Variants in LPP observed in about 807,000 individuals in gnomAD.
The protein encoded by LPP is LIM domain containing preferred translocation partner in lipoma, also known as lipoma-preferred partner.
In LPP, 38 loss-of-function variants were observed where a neutral mutation model predicts 60.4. That is an observed-to-expected ratio of 0.63 (90% CI 0.49 to 0.83). The LOEUF is 0.83. LPP is among the 40% of genes least tolerant of loss of function. The probability of loss-of-function intolerance (pLI) is 0.00; values close to 1 mark genes in which losing one functional copy is unlikely to be tolerated. For synonymous variants in LPP, 328 were observed against 290.8 expected, an observed-to-expected ratio of 1.13 and a Z score of -1.30; for missense variants, 902 against 783.6, an observed-to-expected ratio of 1.15 and a Z score of -1.80.
At chr3:188,642,861 G>A (rs1251578900) in intron 7 of LPP, among the ~76,000 whole-genome samples, 1 of 152,062 alleles carries the variant, frequency 6.6e-6, no homozygotes, top group South Asian at 2.1e-4. Flanking sequence ...GCTTGAACCC[G>A]GGATGCAGAG....
At chr3:188,731,097 A>G (rs1720293042) in intron 8 of LPP, among the ~76,000 whole-genome samples, 1 of 152,290 alleles carries the variant, frequency 6.6e-6, no homozygotes, top group East Asian at 1.9e-4. Flanking sequence ...CATAGGTTTC[A>G]AGCATTTGGA....
intron 8 of LPP, among the ~76,000 whole-genome samples, chr3:188,735,045 T>C (rs1722011671): frequency 6.6e-6 from 1 of 152,210 alleles, no homozygotes; most frequent in Admixed American, 6.5e-5. Flanking sequence ...GCAGAATTCC[T>C]TTTTAACACA....
intron 2 of LPP, among the ~76,000 whole-genome samples, chr3:188,293,425 T>C (rs570639244): frequency 1.1e-4 from 16 of 152,366 alleles, no homozygotes; most frequent in Non-Finnish European, 2.9e-5. Context: ...TGATGAGTTT[T>C]ACATGTAGAA....
At chr3:188,797,143 C>T (rs1179751186) in intron 9 of LPP, among the ~76,000 whole-genome samples, 1 of 152,142 alleles carries the variant, frequency 6.6e-6, no homozygotes, top group African/African-American at 2.4e-5. Flanking sequence ...TCCTCCTCTT[C>T]CTCTTCCTCC....
chr3:188,667,089 T>G (rs1855945441), intron 7 of LPP, among the ~76,000 whole-genome samples: 1 of 152,196 alleles, frequency 6.6e-6, no homozygotes, highest in African/African-American at 2.4e-5. Flanking sequence ...TCATTTAAAA[T>G]CCATGGAATC....
At chr3:188,532,246 AAAACAAAC>A (rs112631541) in intron 6 of LPP, among the ~76,000 whole-genome samples, 5 of 151,916 alleles carry the variant, frequency 3.3e-5, no homozygotes, top group South Asian at 4.2e-4. Flanking sequence ...AGCTCTACTA[AAAACAAAC>A]AAACAAACAA....
intron 7 of LPP, among the ~76,000 whole-genome samples, chr3:188,639,122 A>G (rs1199482805): frequency 6.6e-6 from 1 of 152,182 alleles, no homozygotes; most frequent in Non-Finnish European, 1.5e-5. Context: ...ACTATACTAC[A>G]AGGCTACGGT....
At chr3:188,499,337 T>C (rs1243632512) in intron 5 of LPP, among the ~76,000 whole-genome samples, 1 of 152,192 alleles carries the variant, frequency 6.6e-6, no homozygotes, top group Non-Finnish European at 1.5e-5. Context: ...CCTTACTCTT[T>C]TGTGTGTGGA....
intron 5 of LPP, among the ~76,000 whole-genome samples, chr3:188,510,968 A>G (rs1815307803): frequency 6.6e-6 from 1 of 151,996 alleles, no homozygotes; most frequent in Non-Finnish European, 1.5e-5. Context: ...ACATTTGTGG[A>G]TAAACTAGTT....
chr3:188,205,384 C>T (rs893820308), intron 1 of LPP, among the ~76,000 whole-genome samples: 5 of 148,550 alleles, frequency 3.4e-5, no homozygotes, highest in East Asian at 4.0e-4. Context: ...CAGGTTCAAG[C>T]GATTCTCCTG....
At chr3:188,717,493 T>G (rs138444176) in intron 8 of LPP, among the ~76,000 whole-genome samples, 14 of 152,266 alleles carry the variant, frequency 9.2e-5, no homozygotes, top group Middle Eastern at 3.4e-3. Flanking sequence ...ATGACCTAAT[T>G]AATGAAAAAC....
intron 8 of LPP, among the ~76,000 whole-genome samples, chr3:188,756,763 C>A (rs926964190): frequency 2.0e-5 from 3 of 152,162 alleles, no homozygotes; most frequent in Non-Finnish European, 2.9e-5. Flanking sequence ...GCTAGTGTCC[C>A]CACTGTATCC....
chr3:188,286,729 G>A (rs1744048265), intron 2 of LPP, among the ~76,000 whole-genome samples: 1 of 152,026 alleles, frequency 6.6e-6, no homozygotes, highest in Non-Finnish European at 1.5e-5. Context: ...TTCTGTTTTT[G>A]CTTGCTGTCC....
chr3:188,527,149 G>A (rs1820815043), intron 6 of LPP, among the ~76,000 whole-genome samples: 1 of 151,708 alleles, frequency 6.6e-6, no homozygotes, highest in East Asian at 1.9e-4. Context: ...TATAGGTCTG[G>A]GACCAGCCTG....
chr3:188,217,694 C>T lies in LPP; in HGVS notation c.-189-7711C>T, dbSNP rs1461043021. 6.6e-6 allele frequency among the ~76,000 whole-genome samples: 1 copy of T among 152,040 alleles called. No individual in the cohort carries two copies. The highest frequency in any genetic ancestry group is 1.5e-5 in the Non-Finnish European group (1 of 67,996). ...TCAGAGAAATGCTGAGCTAAATGGG[C>T]AGGAATCTGGGATACTCAGAGGGAA... is the stretch of plus-strand genomic sequence containing the variant. On this transcript the variant is annotated intron_variant, in intron 1 of 11. Transcript: ENST00000617246. This position sits in a 1 kb window ranked among gnomAD's most constrained non-coding sequence, Gnocchi z 4.0.
At chr3:188,530,386 G>A (rs1821845011) in intron 6 of LPP, among the ~76,000 whole-genome samples, 1 of 152,218 alleles carries the variant, frequency 6.6e-6, no homozygotes, top group Admixed American at 6.5e-5. Flanking sequence ...CATTTTAAAT[G>A]TGTTTGTCAG....
At position 188,887,923 on chromosome 3, in the gene LPP, G is replaced by A. The variant is rs1157668476; in HGVS notation, c.*13444G>A. On this transcript the variant is annotated 3_prime_UTR_variant, in exon 12 of 12. Transcript: ENST00000617246. ...GGCAAAGTCAGAATATTTCCCCTCT[G>A]AAAATCTGAATTATGCCCTCATTCT... The A allele has an allele frequency of 9.5e-6, 2 of 210,126 alleles. No homozygotes were observed. The highest frequency in any genetic ancestry group is 1.9e-5 in the Non-Finnish European group (2 of 103,530). 13.0% of individuals were successfully genotyped at this position (210,126 alleles called of 1,614,324 possible).
At chr3:188,463,400 T>C (rs1277911200) in intron 4 of LPP, among the ~76,000 whole-genome samples, 1 of 152,072 alleles carries the variant, frequency 6.6e-6, no homozygotes, top group Non-Finnish European at 1.5e-5. Context: ...CCTGCAATGT[T>C]GCCCAGGCTG....
At chr3:188,157,431 C>T (rs969811088) in intron 1 of LPP, among the ~76,000 whole-genome samples, 1 of 152,068 alleles carries the variant, frequency 6.6e-6, no homozygotes, top group Admixed American at 6.6e-5. Flanking sequence ...CAGAACTATG[C>T]TGAAGATGCT....
Sources: allele counts gnomAD v4.1 joint callset (sites outside exome capture counted in the v4.1 genomes callset), GRCh38; gene constraint gnomAD v4.1.1; non-coding constraint Gnocchi (gnomAD v3.1); transcripts MANE v1.5; gene names NCBI Gene and HGNC (gene_info 2026-07-23, HGNC 2026-07-21).